GRIN2B: variants seen among roughly 807,000 people sequenced by gnomAD.
GRIN2B encodes glutamate ionotropic receptor NMDA type subunit 2B.
A neutral mutation model predicts 114.5 loss-of-function variants in GRIN2B; 5 were observed. The ratio of observed to expected loss-of-function variants is 0.04; its 90% CI spans 0.02 to 0.09. The LOEUF (loss-of-function observed/expected upper bound fraction) is 0.09, where lower values mean the gene tolerates loss of function less well. GRIN2B is among the 10% of genes least tolerant of loss of function. The pLI, the probability that GRIN2B is intolerant of heterozygous loss-of-function variation, is 1.00. For synonymous variants in GRIN2B, 787 were observed against 745.1 expected (o/e 1.06, Z -0.92); for missense variants, 1,108 against 1,943.5 (o/e 0.57, Z 8.08).
At position 13,540,579 on chromosome 12, in the gene GRIN2B, A is replaced by G. The variant is rs1389577388; in HGVS notation, c.*22204T>C. 6.6e-6 allele frequency: 1 copy of G among 151,268 alleles called. No individual in the cohort carries two copies. The highest frequency in any genetic ancestry group is 1.5e-5 in the Non-Finnish European group (1 of 67,936). 9.4% of individuals were successfully genotyped at this position (151,268 alleles called of 1,614,324 possible). On this transcript the variant is annotated 3_prime_UTR_variant, in exon 14 of 14. Coordinates refer to ENST00000609686, the MANE Select transcript of GRIN2B (RefSeq NM_000834.5). The stretch of plus-strand genomic sequence containing the variant: ...AAAGGTAAGTCATTTGCTTATATAT[A>G]TACTTGTAATTATTTTTTTCAAGTT...
chr12:13,643,389 C>G (rs1949737606), intron 5 of GRIN2B, among the ~76,000 whole-genome samples: 1 of 152,106 alleles, frequency 6.6e-6, no homozygotes, highest in South Asian at 2.1e-4. Context: ...AATCACAATT[C>G]ATATACCTTA....
In GRIN2B at chr12:13,551,149, A is replaced by G. The variant is rs945220940; in HGVS notation, c.*11634T>C. 2.0e-5 allele frequency: 3 copies of G among 152,074 alleles called. No individual in the cohort carries two copies. The highest frequency in any genetic ancestry group is 7.2e-5 in the African/African-American group (3 of 41,404). 9.4% of individuals were successfully genotyped at this position (152,074 alleles called of 1,614,324 possible). A position where few individuals can be genotyped will look rare whatever the true frequency, so the allele number is the denominator to read the frequency against. ...ACCCTGGGAGAGAGAGAACAGATAA[A>G]TTATTGAATCCGTGAAGGCATTTAT... On this transcript the variant is annotated 3_prime_UTR_variant, in exon 14 of 14. Transcript: ENST00000609686.
chr12:13,775,690 G>A (rs981003415), intron 3 of GRIN2B, among the ~76,000 whole-genome samples: 2 of 152,188 alleles, frequency 1.3e-5, no homozygotes, highest in Non-Finnish European at 2.9e-5. Flanking sequence ...AGCAGTATAT[G>A]AAAAGTGTAC....
chr12:13,760,471 T>C (rs1172349485), intron 3 of GRIN2B, among the ~76,000 whole-genome samples: 1 of 152,236 alleles, frequency 6.6e-6, no homozygotes, highest in East Asian at 1.9e-4. Context: ...TATAATATCA[T>C]AGGGAATATA....
chr12:13,862,676 A>T (rs1865769089), intron 3 of GRIN2B, among the ~76,000 whole-genome samples: 1 of 152,182 alleles, frequency 6.6e-6, no homozygotes, highest in Admixed American at 6.5e-5. Flanking sequence ...AAACAAAACA[A>T]AACAAAAAAA....
rs200177967 is a variant in GRIN2B, at chr12:13,676,158, G to C, written c.1011-299C>G. Among the ~76,000 whole-genome samples the C allele has an allele frequency of 1.1e-4, 16 of 152,178 alleles. No individual in the cohort carries two copies. In the East Asian group the frequency reaches 2.3e-3, roughly 22 times the overall value. ...GAACAATGTGAACACATAGACACAG[G>C]GAGGGGAACAAGACACACTGGGGCC... On this transcript the variant is annotated intron_variant, in intron 4 of 13. Coordinates refer to ENST00000609686, the MANE Select transcript of GRIN2B (RefSeq NM_000834.5).
chr12:13,942,549 A>G (rs1191322316), intron 2 of GRIN2B, among the ~76,000 whole-genome samples: 1 of 152,230 alleles, frequency 6.6e-6, no homozygotes, highest in African/African-American at 2.4e-5. Context: ...TACAAATAAC[A>G]TTTTAACAGA....
At chr12:13,800,347 T>C (rs1460173802) in intron 3 of GRIN2B, among the ~76,000 whole-genome samples, 2 of 152,200 alleles carry the variant, frequency 1.3e-5, no homozygotes, top group African/African-American at 4.8e-5. Context: ...CTCAGTTGTA[T>C]AGCACAATCA....
intron 3 of GRIN2B, among the ~76,000 whole-genome samples, chr12:13,826,797 C>G (rs1865043857): frequency 6.6e-6 from 1 of 152,004 alleles, no homozygotes. Context: ...TTTACTATGT[C>G]TGATGTTCTT....
Position 13,870,188 on chromosome 12 carries a change from A to G in GRIN2B, c.-18-3962T>C, listed in dbSNP as rs775432358. On this transcript the variant is annotated intron_variant, in intron 2 of 13. Transcript: ENST00000609686. ...AGATGTCCCATAATGGCCTCGGGGT[A>G]GCAGCGACCTCCACTGACAGCTTAC... 1.9e-4 allele frequency among the ~76,000 whole-genome samples: 29 copies of G among 152,196 alleles called. 1 individual carries two copies. Among genetic ancestry groups the G allele is most frequent in the Admixed American group, 8.5e-4 (13 of 15,288 alleles).
chr12:13,622,582 A>G (rs1293283357), intron 5 of GRIN2B, among the ~76,000 whole-genome samples: 2 of 151,460 alleles, frequency 1.3e-5, no homozygotes, highest in Middle Eastern at 3.2e-3. Flanking sequence ...TGCTACTATA[A>G]AAAAAAACAC....
intron 4 of GRIN2B, among the ~76,000 whole-genome samples, chr12:13,733,370 A>T (rs935328560): frequency 6.6e-6 from 1 of 151,706 alleles, no homozygotes; most frequent in South Asian, 2.1e-4. Context: ...TAAAAGCTCT[A>T]CCAAGTAGGC....
intron 3 of GRIN2B, among the ~76,000 whole-genome samples, chr12:13,812,103 G>A (rs1048137558): frequency 1.3e-5 from 2 of 152,182 alleles, no homozygotes; most frequent in African/African-American, 4.8e-5. Context: ...ACATACTGGT[G>A]TTCACAGGCA....
chr12:13,566,360 T>A (rs902974673), intron 13 of GRIN2B, among the ~76,000 whole-genome samples: 2 of 152,168 alleles, frequency 1.3e-5, no homozygotes, highest in African/African-American at 4.8e-5. Flanking sequence ...AGAAGCTCAC[T>A]TTTTAAAAAA....
At chr12:13,809,951 C>G (rs1023814942) in intron 3 of GRIN2B, among the ~76,000 whole-genome samples, 3 of 152,154 alleles carry the variant, frequency 2.0e-5, no homozygotes, top group African/African-American at 4.8e-5. Flanking sequence ...CCCAGTCTTT[C>G]TGCTCTAGTC....
chr12:13,801,649 A>G (rs1864516214), intron 3 of GRIN2B, among the ~76,000 whole-genome samples: 3 of 152,224 alleles, frequency 2.0e-5, no homozygotes, highest in South Asian at 4.1e-4. Context: ...GAGGTGATCA[A>G]TGAGGAAATC....
At chr12:13,833,442 C>G (rs1865190347) in intron 3 of GRIN2B, among the ~76,000 whole-genome samples, 2 of 152,186 alleles carry the variant, frequency 1.3e-5, no homozygotes, top group African/African-American at 4.8e-5. Context: ...CTCTCCAGCC[C>G]TTCCCTGATT....
intron 4 of GRIN2B, among the ~76,000 whole-genome samples, chr12:13,746,353 C>T (rs1591709079): frequency 6.6e-6 from 1 of 152,192 alleles, no homozygotes; most frequent in Non-Finnish European, 1.5e-5. Flanking sequence ...GCCATTGTCA[C>T]CAACCCACGT....
At chr12:13,821,063 G>A (rs538761811) in intron 3 of GRIN2B, among the ~76,000 whole-genome samples, 9 of 151,512 alleles carry the variant, frequency 5.9e-5, no homozygotes, top group East Asian at 3.9e-4. Flanking sequence ...AGAACCACTC[G>A]ATGTGCCTAA....
Sources: allele counts gnomAD v4.1 joint callset (sites outside exome capture counted in the v4.1 genomes callset), GRCh38; gene constraint gnomAD v4.1.1; transcripts MANE v1.5; gene names NCBI Gene and HGNC (gene_info 2026-07-23, HGNC 2026-07-21).